The following SMG1 variants were observed in gnomAD, a reference collection of about 807,000 sequenced individuals.
SMG1 encodes the protein serine/threonine-protein kinase SMG1.
A neutral mutation model predicts 419.9 loss-of-function variants in SMG1; 22 were observed. The ratio of observed to expected loss-of-function variants is 0.05; its 90% CI spans 0.04 to 0.07. SMG1 has a LOEUF of 0.07. SMG1 is among the 10% of genes least tolerant of loss of function. The pLI is 1.00. For missense variants in SMG1, 3,185 were observed against 4,342.0 expected, an observed-to-expected ratio of 0.73 and a Z score of 7.49; for synonymous variants, 1,538 against 1,553.5, an observed-to-expected ratio of 0.99 and a Z score of 0.23.
At chr16:18,884,827 A>C (rs528396909) in intron 8 of SMG1, 9 of 424,412 alleles carry the variant, frequency 2.1e-5, no homozygotes, top group Non-Finnish European at 3.8e-5. Context: ...TGCCACTACA[A>C]TATATTCTTA....
chr16:18,916,750 C>T (rs2037998632), intron 1 of SMG1, among the ~76,000 whole-genome samples: 1 of 151,896 alleles, frequency 6.6e-6, no homozygotes, highest in Non-Finnish European at 1.5e-5. Context: ...ATAAAATGGG[C>T]TCTGAAAAAC....
chr16:18,922,124 G>C (rs888367583), intron 1 of SMG1, among the ~76,000 whole-genome samples: 2 of 152,216 alleles, frequency 1.3e-5, no homozygotes, highest in African/African-American at 4.8e-5. Context: ...AAATTAATCA[G>C]TCACTTTAGA....
rs577379575 is a variant in SMG1 at position 18,830,306 on chromosome 16, G to T, written c.8856C>A (p.Pro2952=). Residue 2952 remains proline (P), a synonymous_variant, in exon 52 of 63, where the codon CCC becomes CCA. Transcript: ENST00000446231. ...AAAGCATCTGGCCAGCTGACATTTTGGGTGTTTCATCAACTGAACCATTTC... is the reference window on the plus strand; with the variant it reads ...AAAGCATCTGGCCAGCTGACATTTTTGGTGTTTCATCAACTGAACCATTTC... ...QPRNGSVDET[P]KMSAGQMLLV... The T allele has an allele frequency of 1.2e-6, 2 of 1,613,788 alleles. No homozygotes were observed. Among genetic ancestry groups the T allele is most frequent in the Admixed American group, 3.3e-5 (2 of 60,002 alleles).
intron 29 of SMG1, among the ~76,000 whole-genome samples, chr16:18,855,347 C>G (rs2034838424): frequency 6.6e-6 from 1 of 152,176 alleles, no homozygotes; most frequent in Non-Finnish European, 1.5e-5. Context: ...GCTCCTTGGA[C>G]TCAGTCCTAG....
chr16:18,838,155 G>A lies in SMG1; in HGVS notation c.7272C>T (p.Asp2424=). The change falls in exon 45 of 63, where the codon GAC becomes GAT. Residue 2424 remains aspartate (D), a synonymous_variant. Coordinates refer to ENST00000446231, the MANE Select transcript of SMG1 (RefSeq NM_015092.5). ...LEAFVYDPLV[D]WTAGGEAGFA... is the part of the protein sequence containing the mutation. ...ACCCAGCCTCGCCTCCTGCTGTCCA[G>A]TCCACCAGAGGGTCGTACACAAAGG... The A allele has an allele frequency of 6.2e-7, 1 of 1,613,542 alleles. No individual in the cohort carries two copies. The highest frequency in any genetic ancestry group is 8.5e-7 in the Non-Finnish European group (1 of 1,179,700).
chr16:18,818,267 C>T (rs976426232), intron 56 of SMG1, among the ~76,000 whole-genome samples: 2 of 152,088 alleles, frequency 1.3e-5, no homozygotes, highest in South Asian at 4.1e-4. Context: ...TGCCTGTAAT[C>T]CCAGCTACTT....
At chr16:18,812,850 A>T (rs1256465379) in intron 60 of SMG1, among the ~76,000 whole-genome samples, 1 of 151,934 alleles carries the variant, frequency 6.6e-6, no homozygotes, top group Non-Finnish European at 1.5e-5. Flanking sequence ...CCCCGGTGTG[A>T]GATGTTCCCC....
intron 21 of SMG1, 58 bp downstream of exon 21, chr16:18,868,465 T>A: frequency 1.4e-6 from 2 of 1,474,768 alleles, no homozygotes; most frequent in Non-Finnish European, 1.9e-6. Context: ...GCTCTGCACA[T>A]ACTGCCAGCT....
At chr16:18,884,951 A>G (rs868781367) in intron 8 of SMG1, 139 bp downstream of exon 8, 2 of 641,972 alleles carry the variant, frequency 3.1e-6, no homozygotes. Flanking sequence ...GCTAACAAGT[A>G]ATGTTCATTT....
intron 1 of SMG1, among the ~76,000 whole-genome samples, chr16:18,905,620 T>TA (rs1167554780): frequency 6.6e-6 from 1 of 151,744 alleles, no homozygotes; most frequent in Non-Finnish European, 1.5e-5. Context: ...ATTTCATTTT[T>TA]TTTTTTTTTT....
Position 18,834,476 on chromosome 16 carries a change from G to A in SMG1, c.8331-38C>T, listed in dbSNP as rs182176172. The A allele has an allele frequency of 2.5e-6, 4 of 1,573,972 alleles. No homozygotes were observed. In the East Asian group the frequency reaches 6.8e-5, roughly 27 times the overall value. On this transcript the variant is annotated intron_variant, in intron 49 of 62. Transcript: ENST00000446231. ...AATATCTGTACAGTGAAACTTAAAT[G>A]TATAAACAAAACAAGGTAACTGGCC...
intron 51 of SMG1, 55 bp downstream of exon 51, chr16:18,832,885 T>C: frequency 6.8e-7 from 1 of 1,476,230 alleles, no homozygotes; most frequent in Non-Finnish European, 9.5e-7. Flanking sequence ...AGAATCCCTT[T>C]CTCTGGCTGT....
chr16:18,895,974 G>GT (rs1242087526), intron 3 of SMG1, 78 bp downstream of exon 3: 2 of 1,299,496 alleles, frequency 1.5e-6, no homozygotes, highest in African/African-American at 2.9e-5. Flanking sequence ...CAAGGCGTTA[G>GT]TAAGAGGCAT....
chr16:18,876,478 G>GT lies in SMG1; in HGVS notation c.1621-86dup. On this transcript the variant is annotated intron_variant, in intron 12 of 62. Transcript: ENST00000446231. ...GGAAAATAAATCACTATCTGTATTA[G>GT]TGCTGACGATACAAATAAATTTAAG... The GT allele has an allele frequency of 2.8e-6, 4 of 1,414,778 alleles. No individual in the cohort carries two copies. In the South Asian group the frequency reaches 5.2e-5, roughly 18 times the overall value. 87.6% of individuals were successfully genotyped at this position (1,414,778 alleles called of 1,614,324 possible).
chr16:18,844,668 GA>G (rs1248216869), intron 39 of SMG1, among the ~76,000 whole-genome samples: 1 of 150,634 alleles, frequency 6.6e-6, no homozygotes, highest in Non-Finnish European at 1.5e-5. Context: ...TATTTGCTCT[GA>G]ATTTAGCACC....
At chr16:18,887,516 C>CTTTGTTTTGT in intron 6 of SMG1, among the ~76,000 whole-genome samples, 1 of 110,124 alleles carries the variant, frequency 9.1e-6, no homozygotes, top group South Asian at 2.9e-4. Flanking sequence ...TTTTTTTTTC[C>CTTTGTTTTGT]TTTTTTTTTT....
chr16:18,916,198 CTTGA>C (rs1285660209), intron 1 of SMG1, among the ~76,000 whole-genome samples: 1 of 149,150 alleles, frequency 6.7e-6, no homozygotes, highest in African/African-American at 2.5e-5. Flanking sequence ...GAAAAGTACA[CTTGA>C]TTAATACAAG....
rs1333731716 is a variant in SMG1 at position 18,896,113 on chromosome 16, C to T, written c.351G>A (p.Glu117=). The stretch of plus-strand genomic sequence containing the variant: ...GACTGCCATGCTGAACACTGGTGAA[C>T]TCAGGGCTGGTCACATTGTTAACCC... ...ELRVNNVTSP[E]FTSVQHGSRA... Residue 117 remains glutamate, a synonymous_variant, in exon 3 of 63, where the codon GAG becomes GAA. Transcript: ENST00000446231. 5 of 1,594,044 alleles carry T rather than the reference C, an allele frequency of 3.1e-6. No homozygotes were observed. The highest frequency in any genetic ancestry group is 4.3e-6 in the Non-Finnish European group (5 of 1,163,610).
chr16:18,832,435 TC>T (rs1301883552), intron 51 of SMG1, among the ~76,000 whole-genome samples: 1 of 152,210 alleles, frequency 6.6e-6, no homozygotes, highest in African/African-American at 2.4e-5. Flanking sequence ...AGGTGTGTAC[TC>T]TGTTAGCTAA....
Sources: gnomAD v4.1 joint callset for allele counts (sites outside exome capture counted in the v4.1 genomes callset) on GRCh38, gnomAD v4.1.1 for gene constraint, MANE v1.5 for transcripts, NCBI Gene and HGNC (gene_info 2026-07-23, HGNC 2026-07-21) for gene names.